RGS7: variants seen among roughly 807,000 people sequenced by gnomAD.
RGS7 encodes regulator of G protein signaling 7.
A neutral mutation model predicts 81.1 loss-of-function variants in RGS7; 27 were observed. That is an observed-to-expected ratio of 0.33 (90% CI 0.25 to 0.46). The LOEUF (loss-of-function observed/expected upper bound fraction) is 0.46, where lower values mean the gene tolerates loss of function less well. Among genes scored for constraint, RGS7 ranks in the 20% least tolerant of loss-of-function variants. RGS7 has a pLI of 1.00. For synonymous variants in RGS7, 208 were observed against 207.7 expected, an observed-to-expected ratio of 1.00 and a Z score of -0.01; for missense variants, 396 against 607.4, an observed-to-expected ratio of 0.65 and a Z score of 3.66.
intron 4 of RGS7, among the ~76,000 whole-genome samples, chr1:240,957,149 C>T (rs1448693244): frequency 6.6e-6 from 1 of 152,186 alleles, no homozygotes; most frequent in Non-Finnish European, 1.5e-5. Context: ...ATCCAATCGG[C>T]TGCTAGTGCT....
At chr1:241,077,730 T>A (rs912343076) in intron 3 of RGS7, among the ~76,000 whole-genome samples, 5 of 152,198 alleles carry the variant, frequency 3.3e-5, no homozygotes, top group Admixed American at 2.6e-4. Context: ...CTCTGCTAAA[T>A]AAGCATGCCA....
intron 2 of RGS7, among the ~76,000 whole-genome samples, chr1:241,139,311 C>T (rs757199395): frequency 4.0e-5 from 6 of 148,994 alleles, no homozygotes; most frequent in Non-Finnish European, 7.4e-5. Flanking sequence ...TCCTTCCTTC[C>T]TTCCTTCTAT....
At chr1:241,148,446 T>G (rs963720652) in intron 2 of RGS7, among the ~76,000 whole-genome samples, 4 of 152,212 alleles carry the variant, frequency 2.6e-5, no homozygotes, top group African/African-American at 9.7e-5. Flanking sequence ...ACCCTTTTGT[T>G]TCCTTATGTA....
intron 3 of RGS7, among the ~76,000 whole-genome samples, chr1:241,025,272 G>C (rs2059729218): frequency 6.6e-6 from 1 of 152,216 alleles, no homozygotes; most frequent in African/African-American, 2.4e-5. Context: ...CATCAGTAGA[G>C]GGGTAGTGTG....
intron 3 of RGS7, among the ~76,000 whole-genome samples, chr1:241,065,782 T>G (rs2062027173): frequency 6.6e-6 from 1 of 152,226 alleles, no homozygotes; most frequent in Admixed American, 6.5e-5. Flanking sequence ...TATGCCTGCA[T>G]GTAATACACT....
At chr1:240,936,853 CT>C (rs1181408028) in intron 4 of RGS7, 147 bp from the exon 5 acceptor site, 1 of 674,046 alleles carries the variant, frequency 1.5e-6, no homozygotes, top group Non-Finnish European at 2.6e-6. Flanking sequence ...GTTCTTTGCT[CT>C]CGAGATAAAC....
intron 2 of RGS7, among the ~76,000 whole-genome samples, chr1:241,331,533 GATATT>G (rs1213262216): frequency 6.6e-6 from 1 of 152,114 alleles, no homozygotes; most frequent in Non-Finnish European, 1.5e-5. Context: ...TGCTGCCATT[GATATT>G]ATATTATTAT....
chr1:241,201,657 A>G (rs1168465985), intron 2 of RGS7, among the ~76,000 whole-genome samples: 2 of 152,044 alleles, frequency 1.3e-5, no homozygotes, highest in African/African-American at 4.8e-5. Context: ...AAATAAAACT[A>G]CTTTTGTCTA....
chr1:240,983,144 A>G lies in RGS7; in HGVS notation c.176-15T>C, dbSNP rs755487392. On this transcript the variant is annotated splice_polypyrimidine_tract_variant and intron_variant, in intron 3 of 18. Coordinates refer to ENST00000440928, the MANE Select transcript of RGS7 (RefSeq NM_001364886.1). Reference sequence around the variant, plus strand: ...AATGTCTGAACCTAGAAAAAGAAAAAAGAAAAACACAAACAGATGTGAACA... The same window carrying G: ...AATGTCTGAACCTAGAAAAAGAAAAGAGAAAAACACAAACAGATGTGAACA... 21 of 1,412,972 alleles carry G rather than the reference A, an allele frequency of 1.5e-5. No homozygotes were observed. In the East Asian group the frequency reaches 4.8e-4, roughly 32 times the overall value. 87.5% of individuals were successfully genotyped at this position (1,412,972 alleles called of 1,614,324 possible).
chr1:241,229,219 C>T (rs1012789236), intron 2 of RGS7, among the ~76,000 whole-genome samples: 2 of 152,166 alleles, frequency 1.3e-5, no homozygotes, highest in Admixed American at 6.5e-5. Flanking sequence ...AGATGGCCCA[C>T]GGACTTCTGG....
intron 2 of RGS7, among the ~76,000 whole-genome samples, chr1:241,194,029 G>C (rs992151982): frequency 3.3e-5 from 5 of 152,110 alleles, no homozygotes; most frequent in Non-Finnish European, 7.4e-5. Context: ...TTGATTTTCT[G>C]CTCTTCTGTA....
intron 6 of RGS7, among the ~76,000 whole-genome samples, chr1:240,926,363 A>G (rs1374673159): frequency 1.3e-5 from 2 of 152,180 alleles, no homozygotes; most frequent in African/African-American, 2.4e-5. Flanking sequence ...GCATGTGGCT[A>G]GCCAGTTATT....
intron 2 of RGS7, among the ~76,000 whole-genome samples, chr1:241,235,479 T>G (rs1282284164): frequency 6.6e-6 from 1 of 152,174 alleles, no homozygotes; most frequent in African/African-American, 2.4e-5. Context: ...GCTACAGAGC[T>G]CATACTGATT....
At chr1:241,174,562 G>A in intron 2 of RGS7, among the ~76,000 whole-genome samples, 1 of 152,198 alleles carries the variant, frequency 6.6e-6, no homozygotes, top group East Asian at 1.9e-4. Context: ...CAGGCACTGG[G>A]CTGTGAGCTT....
chr1:241,017,496 T>C (rs1383823340), intron 3 of RGS7, among the ~76,000 whole-genome samples: 1 of 151,798 alleles, frequency 6.6e-6, no homozygotes, highest in Non-Finnish European at 1.5e-5. Flanking sequence ...CCTTCAATTA[T>C]GCCTTTTTTT....
chr1:240,886,060 AAAGT>A (rs1376352720), intron 6 of RGS7, among the ~76,000 whole-genome samples: 2 of 152,318 alleles, frequency 1.3e-5, no homozygotes, highest in Non-Finnish European at 1.5e-5. Flanking sequence ...AAAATGTAAT[AAAGT>A]AAGAAATACC....
intron 6 of RGS7, among the ~76,000 whole-genome samples, chr1:240,871,326 C>G (rs1032945788): frequency 6.6e-6 from 1 of 152,188 alleles, no homozygotes. Context: ...ACTACACTTA[C>G]CACCCCAAGT....
At chr1:240,805,960 A>C (rs1243216599) in intron 15 of RGS7, among the ~76,000 whole-genome samples, 180 bp downstream of exon 15, 1 of 126,276 alleles carries the variant, frequency 7.9e-6, no homozygotes, top group Non-Finnish European at 1.6e-5. Flanking sequence ...CCCAGGTTTT[A>C]AAAAAACTAT....
chr1:241,109,086 C>G (rs777127096), intron 2 of RGS7, among the ~76,000 whole-genome samples: 14 of 152,144 alleles, frequency 9.2e-5, no homozygotes, highest in Non-Finnish European at 1.8e-4. Flanking sequence ...TTTAAAACTT[C>G]CATTGGCCTG....
Sources: gnomAD v4.1 joint callset for allele counts (sites outside exome capture counted in the v4.1 genomes callset) on GRCh38, gnomAD v4.1.1 for gene constraint, MANE v1.5 for transcripts, NCBI Gene and HGNC (gene_info 2026-07-23, HGNC 2026-07-21) for gene names.